Variants in ZNF804B observed in about 807,000 individuals in gnomAD.
The protein encoded by ZNF804B is zinc finger 804B.
Under a neutral mutation model 101.4 loss-of-function variants are expected in ZNF804B, and 80 were observed. The observed-to-expected ratio is 0.79, with a 90% CI of 0.66 to 0.95. The LOEUF is 0.95. ZNF804B is among the 40% of genes least tolerant of loss of function. ZNF804B has a pLI of 0.00. For synonymous variants in ZNF804B, 622 were observed against 558.8 expected (o/e 1.11, Z -1.59); for missense variants, 1,673 against 1,561.9 (o/e 1.07, Z -1.20).
intron 1 of ZNF804B, among the ~76,000 whole-genome samples, chr7:88,877,302 C>T (rs73705571): frequency 0.014 from 2,136 of 151,358 alleles, 51 homozygotes; most frequent in African/African-American, 0.049. Context: ...ATTTCTCACT[C>T]TCTCTCAGCA....
chr7:88,955,123 GT>G (rs1176850505), intron 1 of ZNF804B, among the ~76,000 whole-genome samples: 1 of 149,424 alleles, frequency 6.7e-6, no homozygotes, highest in South Asian at 2.1e-4. Flanking sequence ...GGAAAAAAAA[GT>G]TTTTTTCTTT....
At chr7:89,043,862 G>T (rs1449892872) in intron 1 of ZNF804B, among the ~76,000 whole-genome samples, 1 of 151,996 alleles carries the variant, frequency 6.6e-6, no homozygotes, top group Non-Finnish European at 1.5e-5. Flanking sequence ...CCTTTAATAA[G>T]ACCAGCTTCA....
At chr7:88,903,804 G>A (rs11983828) in intron 1 of ZNF804B, among the ~76,000 whole-genome samples, 2 of 151,816 alleles carry the variant, frequency 1.3e-5, no homozygotes, top group Admixed American at 6.6e-5. Flanking sequence ...GAGTTATTTG[G>A]TTTTTTGTTT....
intron 1 of ZNF804B, among the ~76,000 whole-genome samples, chr7:88,854,429 T>TTCTTTCTTTCTTTC (rs1791505831): frequency 8.3e-6 from 1 of 120,050 alleles, no homozygotes; most frequent in Non-Finnish European, 1.7e-5. Context: ...CTTTCTTTCT[T>TTCTTTCTTTCTTTC]TCTTTCTTTC....
chr7:88,998,066 C>T (rs1231766582), intron 1 of ZNF804B, among the ~76,000 whole-genome samples: 6 of 152,054 alleles, frequency 3.9e-5, no homozygotes, highest in Non-Finnish European at 5.9e-5. Context: ...CTATGCCCTC[C>T]ATGTGATGTC....
At chr7:89,090,271 G>C (rs1401841471) in intron 1 of ZNF804B, among the ~76,000 whole-genome samples, 2 of 151,908 alleles carry the variant, frequency 1.3e-5, no homozygotes, top group Non-Finnish European at 2.9e-5. Context: ...CTCATAGAAG[G>C]TTCCTGGAAT....
intron 1 of ZNF804B, among the ~76,000 whole-genome samples, chr7:88,971,979 G>A (rs552266540): frequency 6.6e-6 from 1 of 151,384 alleles, no homozygotes; most frequent in South Asian, 2.1e-4. Context: ...AGAGCTGCAG[G>A]TTTTTCTAAA....
rs79099327 is a variant in ZNF804B at position 89,239,071 on chromosome 7, A to G, written c.249+20776A>G. ...GAGTTTTATGTTTTTAAAAATAGCT[A>G]TTGTCATTTGGGTTCACTTGGGTCT... is the stretch of plus-strand genomic sequence containing the variant. On this transcript the variant is annotated intron_variant, in intron 2 of 3. Transcript: ENST00000333190. Among the ~76,000 whole-genome samples, 828 of 152,162 alleles carry G rather than the reference A, an allele frequency of 5.4e-3. 7 individuals carry two copies. The highest frequency in any genetic ancestry group is 0.019 in the African/African-American group (802 of 41,540).
intron 1 of ZNF804B, among the ~76,000 whole-genome samples, chr7:89,035,872 A>G (rs1227096720): frequency 6.8e-6 from 1 of 146,332 alleles, no homozygotes; most frequent in Non-Finnish European, 1.5e-5. Flanking sequence ...TATATATTAT[A>G]TTATATATTC....
At position 89,161,068 on chromosome 7, in the gene ZNF804B, T is replaced by G. The variant is rs549637524; in HGVS notation, c.109-57087T>G. On this transcript the variant is annotated intron_variant, in intron 1 of 3. Transcript: ENST00000333190. ...CTCCAACCACCTTTCCTGGAGAGAT[T>G]GCCTTGTGGTTAGGATTCTCTTCAC... is the stretch of plus-strand genomic sequence containing the variant. 2.8e-4 allele frequency among the ~76,000 whole-genome samples: 43 copies of G among 152,164 alleles called. No homozygotes were observed. The South Asian group carries it at 8.9e-3, about 32-fold the overall frequency.
intron 1 of ZNF804B, among the ~76,000 whole-genome samples, chr7:89,043,574 T>G (rs1789053062): frequency 6.6e-6 from 1 of 152,340 alleles, no homozygotes; most frequent in East Asian, 1.9e-4. Flanking sequence ...AATGTCATGG[T>G]TGATGCTCAC....
chr7:89,332,493 G>C (rs1791001191), intron 3 of ZNF804B, among the ~76,000 whole-genome samples: 1 of 151,770 alleles, frequency 6.6e-6, no homozygotes, highest in Non-Finnish European at 1.5e-5. Flanking sequence ...TAAGAAAAAT[G>C]ATGTGATTTG....
At chr7:88,957,014 GA>G (rs1793320000) in intron 1 of ZNF804B, among the ~76,000 whole-genome samples, 1 of 151,386 alleles carries the variant, frequency 6.6e-6, no homozygotes, top group Non-Finnish European at 1.5e-5. Context: ...TCTTATTGAT[GA>G]AAAAATTTTT....
intron 1 of ZNF804B, among the ~76,000 whole-genome samples, chr7:88,760,968 A>G (rs905133632): frequency 1.3e-5 from 2 of 148,702 alleles, no homozygotes; most frequent in Non-Finnish European, 3.0e-5. Flanking sequence ...ACTAGTGACT[A>G]AGTATCCAAA....
At chr7:89,155,396 C>T (rs949561166) in intron 1 of ZNF804B, among the ~76,000 whole-genome samples, 12 of 152,058 alleles carry the variant, frequency 7.9e-5, no homozygotes, top group African/African-American at 2.9e-4. Context: ...CATCTTTCAC[C>T]TAAAAACCCA....
chr7:88,764,837 T>A (rs1025201247), intron 1 of ZNF804B, among the ~76,000 whole-genome samples: 6 of 152,170 alleles, frequency 3.9e-5, no homozygotes, highest in African/African-American at 1.4e-4. Context: ...GTCACCTGCA[T>A]CCTCTTCTTG....
intron 2 of ZNF804B, among the ~76,000 whole-genome samples, chr7:89,220,041 A>ATG (rs1554380215): frequency 2.2e-5 from 3 of 134,962 alleles, no homozygotes; most frequent in African/African-American, 8.6e-5. Flanking sequence ...ACGCACATAT[A>ATG]TGTGCATATA....
At chr7:88,825,181 A>G (rs918690744) in intron 1 of ZNF804B, among the ~76,000 whole-genome samples, 1 of 152,120 alleles carries the variant, frequency 6.6e-6, no homozygotes, top group Non-Finnish European at 1.5e-5. Context: ...ATAGTGCATA[A>G]GTGCATATCT....
intron 1 of ZNF804B, among the ~76,000 whole-genome samples, chr7:88,878,046 AT>A (rs1791978193): frequency 6.6e-6 from 1 of 152,200 alleles, no homozygotes; most frequent in South Asian, 2.1e-4. Context: ...TGCAAGTAAA[AT>A]TTTGGGATTA....
Sources: allele counts gnomAD v4.1 joint callset (sites outside exome capture counted in the v4.1 genomes callset), GRCh38; gene constraint gnomAD v4.1.1; transcripts MANE v1.5; gene names NCBI Gene and HGNC (gene_info 2026-07-23, HGNC 2026-07-21).